RFTN1: variants seen among roughly 807,000 people sequenced by gnomAD.
RFTN1 encodes the protein raftlin.
A neutral mutation model predicts 46.5 loss-of-function variants in RFTN1; 26 were observed. The ratio of observed to expected loss-of-function variants is 0.56; its 90% CI spans 0.41 to 0.78. The LOEUF is 0.78. Ranked by LOEUF, RFTN1 falls within the 30% of genes least tolerant of loss-of-function variation. RFTN1 has a pLI of 0.00. For synonymous variants in RFTN1, 261 were observed against 284.2 expected, an observed-to-expected ratio of 0.92 and a Z score of 0.82; for missense variants, 693 against 718.7, an observed-to-expected ratio of 0.96 and a Z score of 0.41.
At position 16,440,687 on chromosome 3, in the gene RFTN1, TG is replaced by T. The variant is rs149011315; in HGVS notation, c.146-6651del. 9.8e-4 allele frequency among the ~76,000 whole-genome samples: 142 copies of T among 144,728 alleles called. 4 individuals are homozygous for T. The South Asian group carries it at 0.012, about 12-fold the overall frequency. The allele number at this position is 144,728 out of a possible 152,430, so 94.9% of individuals were successfully genotyped here. On this transcript the variant is annotated intron_variant, in intron 2 of 9. Coordinates refer to ENST00000334133, the MANE Select transcript of RFTN1 (RefSeq NM_015150.2). The surrounding 1 kb of genome is among the most constrained non-coding windows in gnomAD (Gnocchi z 4.6). ...AAGGGGACAAGATGGTTACTGCTAA[TG>T]GGGGGGGGGCCCAATGGTGCCAGAA...
rs754846892 is a variant in RFTN1, at chr3:16,489,994, G to T, written c.145+3731C>A. On this transcript the variant is annotated intron_variant, in intron 2 of 9. Transcript: ENST00000334133. This position sits in a 1 kb window ranked among gnomAD's most constrained non-coding sequence, Gnocchi z 4.0. ...GGGCACATAGTAGCACTCAACAAAC[G>T]TCAGCTCCATTCTGGAGAATAAAGA... is the stretch of plus-strand genomic sequence containing the variant. Among the ~76,000 whole-genome samples, 1 of 152,148 alleles carries T rather than the reference G, an allele frequency of 6.6e-6. No individual in the cohort carries two copies. The highest frequency in any genetic ancestry group is 1.5e-5 in the Non-Finnish European group (1 of 68,034).
chr3:16,319,252 G>A (rs1027712304), intron 9 of RFTN1, among the ~76,000 whole-genome samples: 2 of 152,202 alleles, frequency 1.3e-5, no homozygotes, highest in African/African-American at 4.8e-5. Context: ...CCGAGAGGCA[G>A]TTGGCTCTCA....
chr3:16,445,623 C>A (rs2075716729), intron 2 of RFTN1, among the ~76,000 whole-genome samples: 1 of 151,592 alleles, frequency 6.6e-6, no homozygotes, highest in Non-Finnish European at 1.5e-5. Flanking sequence ...AAATGTTCAA[C>A]CAATTTCAAA....
chr3:16,340,901 G>GGATAT (rs2071274477), intron 7 of RFTN1, among the ~76,000 whole-genome samples: 1 of 152,172 alleles, frequency 6.6e-6, no homozygotes, highest in African/African-American at 2.4e-5. Context: ...ATCTGCAAAA[G>GGATAT]CCATATCTGA....
chr3:16,471,541 G>A (rs2076195800), intron 2 of RFTN1, among the ~76,000 whole-genome samples: 1 of 152,184 alleles, frequency 6.6e-6, no homozygotes, highest in Non-Finnish European at 1.5e-5. Flanking sequence ...CACTGTAAAG[G>A]AGGTCAGGGA....
chr3:16,391,391 G>A (rs1482870845), intron 4 of RFTN1, among the ~76,000 whole-genome samples: 2 of 152,118 alleles, frequency 1.3e-5, no homozygotes, highest in Non-Finnish European at 2.9e-5. Flanking sequence ...ATGGTAATAT[G>A]CCCTTTTTCT....
In RFTN1 at chr3:16,316,630, C is replaced by T; in HGVS notation, c.*198G>A. ...TCTAACACTGGGTCATTAATGACAC[C>T]TTTCCAGTGGATGTGCAAAAACCAA... On this transcript the variant is annotated 3_prime_UTR_variant, in exon 10 of 10. Coordinates refer to ENST00000334133, the MANE Select transcript of RFTN1 (RefSeq NM_015150.2). The surrounding 1 kb of genome is among the most constrained non-coding windows in gnomAD (Gnocchi z 4.5). 1.5e-6 allele frequency: 1 copy of T among 674,682 alleles called. No individual in the cohort carries two copies. The highest frequency in any genetic ancestry group is 2.6e-6 in the Non-Finnish European group (1 of 381,722). 41.8% of individuals were successfully genotyped at this position (674,682 alleles called of 1,614,324 possible).
chr3:16,455,470 A>G (rs968184046), intron 2 of RFTN1, among the ~76,000 whole-genome samples: 2 of 152,178 alleles, frequency 1.3e-5, no homozygotes, highest in African/African-American at 4.8e-5. Context: ...ATTAACACTG[A>G]AACCAGGCAA....
At chr3:16,362,360 C>T (rs571264908) in intron 6 of RFTN1, among the ~76,000 whole-genome samples, 105 of 152,280 alleles carry the variant, frequency 6.9e-4, no homozygotes, top group African/African-American at 2.5e-3. Context: ...TCCATGGCCT[C>T]CTAAGAGACA....
At chr3:16,323,254 G>A (rs1168546408) in intron 9 of RFTN1, 122 bp downstream of exon 9, 2 of 690,906 alleles carry the variant, frequency 2.9e-6, no homozygotes, top group Non-Finnish European at 5.0e-6. Flanking sequence ...GGGCTCAGGT[G>A]TTCCTTGGGC....
chr3:16,483,850 T>G lies in RFTN1; in HGVS notation c.145+9875A>C, dbSNP rs1050950925. ...AGCATCAGCATTGCCTGGGAACTTA[T>G]TACAAAAGCAGATTCTCAGGCCTTG... On this transcript the variant is annotated intron_variant, in intron 2 of 9. Transcript: ENST00000334133. This position sits in a 1 kb window ranked among gnomAD's most constrained non-coding sequence, Gnocchi z 4.8. Among the ~76,000 whole-genome samples the G allele has an allele frequency of 6.6e-6, 1 of 152,208 alleles. No individual in the cohort carries two copies. The highest frequency in any genetic ancestry group is 2.4e-5 in the African/African-American group (1 of 41,462).
rs1171424179 is a variant in RFTN1 at position 16,465,730 on chromosome 3, T to C, written c.145+27995A>G. ...CTGCTGGGGACAGCTAATCTTTTTC[T>C]TTTCACTATACCTTGTGCAGAAGGC... On this transcript the variant is annotated intron_variant, in intron 2 of 9. Transcript: ENST00000334133. This position sits in a 1 kb window ranked among gnomAD's most constrained non-coding sequence, Gnocchi z 5.1. 6.6e-6 allele frequency among the ~76,000 whole-genome samples: 1 copy of C among 152,140 alleles called. No individual in the cohort carries two copies. Among genetic ancestry groups the C allele is most frequent in the Admixed American group, 6.5e-5 (1 of 15,280 alleles).
At chr3:16,357,122 A>AC (rs1559854461) in intron 7 of RFTN1, among the ~76,000 whole-genome samples, 1 of 81,672 alleles carries the variant, frequency 1.2e-5, no homozygotes, top group Non-Finnish European at 2.5e-5. Context: ...CTCAAAAAAA[A>AC]AAAAAACAAA....
intron 6 of RFTN1, among the ~76,000 whole-genome samples, chr3:16,359,544 T>C (rs2072694881): frequency 6.6e-6 from 1 of 151,968 alleles, no homozygotes; most frequent in East Asian, 1.9e-4. Flanking sequence ...TCCTGGCGTG[T>C]GTAAAGAGGA....
chr3:16,371,408 CA>C (rs149249259), intron 5 of RFTN1, among the ~76,000 whole-genome samples: 3,792 of 152,304 alleles, frequency 0.025, 151 homozygotes, highest in African/African-American at 0.085. Flanking sequence ...TAAACAAACA[CA>C]TTTTTTTAGA....
At position 16,346,388 on chromosome 3, in the gene RFTN1, A is replaced by G. The variant is rs1019077741; in HGVS notation, c.1146+11544T>C. The G allele has an allele frequency of 2.6e-5, 4 of 152,216 alleles. No homozygotes were observed. Among genetic ancestry groups the G allele is most frequent in the Non-Finnish European group, 4.4e-5 (3 of 68,040 alleles). The allele number at this position is 152,216 out of a possible 1,614,324, so 9.4% of individuals were successfully genotyped here. ...TATGGCTGTCTGAGAAAATAGGACAATTGAGTTTATGGAAGAAAAAAGTGC... is the reference window on the plus strand; with the variant it reads ...TATGGCTGTCTGAGAAAATAGGACAGTTGAGTTTATGGAAGAAAAAAGTGC... On this transcript the variant is annotated intron_variant, in intron 7 of 9. Coordinates refer to ENST00000334133, the MANE Select transcript of RFTN1 (RefSeq NM_015150.2). This position sits in a 1 kb window ranked among gnomAD's most constrained non-coding sequence, Gnocchi z 4.4.
rs1271905799 is a variant in RFTN1 at position 16,400,816 on chromosome 3, A to C, written c.441+8559T>G. Reference sequence around the variant, plus strand: ...GCCAGGGTGGGAGAGGAACTTCATAAGAAAACAGCGGCCTCCAGGCAGTAG... The same window carrying C: ...GCCAGGGTGGGAGAGGAACTTCATACGAAAACAGCGGCCTCCAGGCAGTAG... On this transcript the variant is annotated intron_variant, in intron 4 of 9. Coordinates refer to ENST00000334133, the MANE Select transcript of RFTN1 (RefSeq NM_015150.2). The surrounding 1 kb of genome is among the most constrained non-coding windows in gnomAD (Gnocchi z 4.5). Among the ~76,000 whole-genome samples the C allele has an allele frequency of 6.6e-6, 1 of 152,158 alleles. No individual in the cohort carries two copies. Among genetic ancestry groups the C allele is most frequent in the Admixed American group, 6.5e-5 (1 of 15,278 alleles).
rs551396011 is a variant in RFTN1 at position 16,401,414 on chromosome 3, G to C, written c.441+7961C>G. On this transcript the variant is annotated intron_variant, in intron 4 of 9. Coordinates refer to ENST00000334133, the MANE Select transcript of RFTN1 (RefSeq NM_015150.2). The stretch of plus-strand genomic sequence containing the variant: ...TCTAGACACATTTACTTAAGCCCAT[G>C]GCAGGAAGGCCTCTGCCTGTTTTAT... Among the ~76,000 whole-genome samples, 7 of 151,916 alleles carry C rather than the reference G, an allele frequency of 4.6e-5. No homozygotes were observed. The South Asian group carries it at 1.5e-3, about 32-fold the overall frequency.
intron 6 of RFTN1, among the ~76,000 whole-genome samples, chr3:16,362,091 G>A (rs2072867627): frequency 6.6e-6 from 1 of 152,144 alleles, no homozygotes; most frequent in African/African-American, 2.4e-5. Flanking sequence ...GCTTAGCTTG[G>A]GTCCTCATTC....
Sources: allele counts gnomAD v4.1 joint callset (sites outside exome capture counted in the v4.1 genomes callset), GRCh38; gene constraint gnomAD v4.1.1; non-coding constraint Gnocchi (gnomAD v3.1); transcripts MANE v1.5; gene names NCBI Gene and HGNC (gene_info 2026-07-23, HGNC 2026-07-21).